Variants in TGFBR3 observed in about 807,000 individuals in gnomAD.
TGFBR3 encodes transforming growth factor beta receptor type 3.
TGFBR3 carries 46 observed loss-of-function variants against 87.9 expected under a neutral mutation model. That is an observed-to-expected ratio of 0.52 (90% CI 0.41 to 0.67). TGFBR3 has a LOEUF of 0.67. TGFBR3 is among the 30% of genes least tolerant of loss of function. The pLI is 0.00. For missense variants in TGFBR3, 866 were observed against 1,041.9 expected (o/e 0.83, Z 2.32); for synonymous variants, 381 against 391.6 (o/e 0.97, Z 0.32).
chr1:91,872,158 C>A (rs934349423), intron 1 of TGFBR3, among the ~76,000 whole-genome samples: 1 of 152,204 alleles, frequency 6.6e-6, no homozygotes, highest in Non-Finnish European at 1.5e-5. Context: ...CCTGTAGGAA[C>A]CATGCCGATG....
chr1:91,765,998 T>TA (rs1272756024), intron 3 of TGFBR3, among the ~76,000 whole-genome samples: 1 of 152,140 alleles, frequency 6.6e-6, no homozygotes, highest in African/African-American at 2.4e-5. Flanking sequence ...AAGCCCCATA[T>TA]AACTATGTGC....
chr1:91,887,781 A>AT (rs1400189019), upstream of TGFBR3, among the ~76,000 whole-genome samples: 1 of 151,952 alleles, frequency 6.6e-6, no homozygotes, highest in African/African-American at 2.4e-5. Flanking sequence ...TCACTGAACC[A>AT]TTTTTTTCCT....
intron 14 of TGFBR3, among the ~76,000 whole-genome samples, chr1:91,700,160 T>C (rs550535621): frequency 6.6e-6 from 1 of 152,294 alleles, no homozygotes; most frequent in East Asian, 1.9e-4. Flanking sequence ...TAAAAAATAA[T>C]CACTATCTGG....
At chr1:91,900,147 C>T (rs558795700) in intron 1 of TGFBR3, among the ~76,000 whole-genome samples, 84 of 152,274 alleles carry the variant, frequency 5.5e-4, no homozygotes, top group African/African-American at 2.0e-3. Flanking sequence ...TGGAGTCTCA[C>T]TCTGTTGCCC....
intron 7 of TGFBR3, 95 bp downstream of exon 7, chr1:91,727,564 A>C (rs767511450): frequency 4.0e-6 from 6 of 1,513,382 alleles, no homozygotes; most frequent in Non-Finnish European, 5.5e-6. Context: ...AGAGAGTCCA[A>C]AGAGGCAGGA....
chr1:91,887,336 C>T (rs137963464), upstream of TGFBR3, among the ~76,000 whole-genome samples: 1 of 147,364 alleles, frequency 6.8e-6, no homozygotes, highest in African/African-American at 2.5e-5. Context: ...GCTACAACCT[C>T]CGCTTCTCAG....
chr1:91,703,251 C>A (rs1671684002), intron 14 of TGFBR3, among the ~76,000 whole-genome samples: 1 of 152,042 alleles, frequency 6.6e-6, no homozygotes. Context: ...CTGGAAAGAT[C>A]AAATGTGTTC....
intron 2 of TGFBR3, among the ~76,000 whole-genome samples, chr1:91,814,721 A>C (rs1293895095): frequency 1.3e-5 from 2 of 152,248 alleles, no homozygotes; most frequent in East Asian, 3.8e-4. Context: ...AAACTTAGGA[A>C]TATTAAAGAC....
intron 2 of TGFBR3, among the ~76,000 whole-genome samples, chr1:91,897,961 G>C (rs1051515237): frequency 2.6e-5 from 4 of 151,862 alleles, no homozygotes; most frequent in African/African-American, 9.7e-5. Flanking sequence ...CCCGAGGCAG[G>C]AAGATTGCTT....
Position 91,861,478 on chromosome 1 carries a change from G to C in TGFBR3, c.54C>G (p.Ala18=). The C allele has an allele frequency of 6.2e-7, 1 of 1,611,710 alleles. No homozygotes were observed. The highest frequency in any genetic ancestry group is 1.1e-5 in the South Asian group (1 of 90,996). The change falls in exon 2 of 17, where the codon GCC becomes GCG. Residue 18 remains alanine, a synonymous_variant. Transcript: ENST00000212355. ...AIFALMSSCL[A]TAGPEPGALC... is the part of the protein sequence containing the mutation. ...TTATATTATGCAACTTACCTGCAGT[G>C]GCTAAACAGGAGCTCATCAGGGCAA...
chr1:91,901,942 GAA>G (rs200556745), intron 1 of TGFBR3, among the ~76,000 whole-genome samples: 13 of 122,030 alleles, frequency 1.1e-4, no homozygotes, highest in African/African-American at 2.9e-4. Flanking sequence ...CCCACCAAAA[GAA>G]AAAAAAAAAA....
chr1:91,686,995 TGAGGGAACA>T (rs1402449620), intron 16 of TGFBR3, among the ~76,000 whole-genome samples: 1 of 152,088 alleles, frequency 6.6e-6, no homozygotes, highest in Admixed American at 6.5e-5. Context: ...CAAACCACAT[TGAGGGAACA>T]GAGATTTGAG....
chr1:91,856,322 T>G (rs529751288), intron 2 of TGFBR3, among the ~76,000 whole-genome samples: 1 of 152,242 alleles, frequency 6.6e-6, no homozygotes, highest in East Asian at 1.9e-4. Flanking sequence ...CGCCTCGGCC[T>G]CCCAAAGTGC....
intron 3 of TGFBR3, among the ~76,000 whole-genome samples, chr1:91,779,604 C>T (rs1419122499): frequency 6.6e-6 from 1 of 152,186 alleles, no homozygotes; most frequent in Admixed American, 6.5e-5. Context: ...TTGGATATGA[C>T]ATCTGAGCAA....
At chr1:91,883,175 C>T (rs1679164171) in intron 1 of TGFBR3, among the ~76,000 whole-genome samples, 1 of 152,108 alleles carries the variant, frequency 6.6e-6, no homozygotes. Flanking sequence ...TACATACAAA[C>T]TTCACTTTTT....
chr1:91,857,250 C>CA (rs1027852657), intron 2 of TGFBR3, among the ~76,000 whole-genome samples: 2 of 152,100 alleles, frequency 1.3e-5, no homozygotes, highest in African/African-American at 2.4e-5. Flanking sequence ...ATAAAATCCA[C>CA]AAGCCTCATT....
At chr1:91,788,529 G>A (rs762585472) in intron 3 of TGFBR3, among the ~76,000 whole-genome samples, 2 of 152,214 alleles carry the variant, frequency 1.3e-5, no homozygotes, top group Non-Finnish European at 2.9e-5. Flanking sequence ...AGAAAATACC[G>A]TGGAAGGAGT....
chr1:91,900,386 T>C (rs1164872053), intron 1 of TGFBR3, among the ~76,000 whole-genome samples: 3 of 152,198 alleles, frequency 2.0e-5, no homozygotes, highest in Non-Finnish European at 4.4e-5. Flanking sequence ...AGTGCTGGGA[T>C]TACAGGTGTG....
At chr1:91,840,048 G>A (rs1268511111) in intron 2 of TGFBR3, among the ~76,000 whole-genome samples, 3 of 151,874 alleles carry the variant, frequency 2.0e-5, no homozygotes, top group Admixed American at 1.3e-4. Context: ...GGTGGCTCAC[G>A]CCTGTAATCC....
Sources: allele counts gnomAD v4.1 joint callset (sites outside exome capture counted in the v4.1 genomes callset), GRCh38; gene constraint gnomAD v4.1.1; transcripts MANE v1.5; gene names NCBI Gene and HGNC (gene_info 2026-07-23, HGNC 2026-07-21).